MAP2: variants seen among roughly 807,000 people sequenced by gnomAD.
The protein encoded by MAP2 is microtubule-associated protein 2.
In MAP2, 14 loss-of-function variants were observed where a neutral mutation model predicts 137.6. The observed-to-expected ratio is 0.10, with a 90% CI of 0.07 to 0.16. The LOEUF (loss-of-function observed/expected upper bound fraction) is 0.16, where lower values mean the gene tolerates loss of function less well. Among genes scored for constraint, MAP2 ranks in the 10% least tolerant of loss-of-function variants. MAP2 has a pLI of 1.00. For missense variants in MAP2, 2,088 were observed against 2,191.5 expected, an observed-to-expected ratio of 0.95 and a Z score of 0.94; for synonymous variants, 786 against 782.3, an observed-to-expected ratio of 1.00 and a Z score of -0.08.
At chr2:209,527,274 TA>T (rs759609199) in intron 2 of MAP2, among the ~76,000 whole-genome samples, 10 of 152,194 alleles carry the variant, frequency 6.6e-5, no homozygotes, top group Admixed American at 3.3e-4. Context: ...ATATCTGATA[TA>T]TTTTTTTGTA....
At chr2:209,444,586 G>A (rs1358220905) in intron 1 of MAP2, among the ~76,000 whole-genome samples, 1 of 151,372 alleles carries the variant, frequency 6.6e-6, no homozygotes, top group African/African-American at 2.4e-5. Flanking sequence ...TTGCAGTTTA[G>A]TAAAATTAAG....
At chr2:209,677,432 A>G (rs570042018) in intron 5 of MAP2, among the ~76,000 whole-genome samples, 3 of 151,070 alleles carry the variant, frequency 2.0e-5, no homozygotes, top group Admixed American at 1.3e-4. Flanking sequence ...ACAGACAGAC[A>G]GACAGACAGA....
intron 1 of MAP2, among the ~76,000 whole-genome samples, chr2:209,466,163 C>G (rs138907065): frequency 6.6e-6 from 1 of 152,144 alleles, no homozygotes; most frequent in Non-Finnish European, 1.5e-5. Flanking sequence ...CAGTTTCTTA[C>G]AGAGTAAAAT....
At position 209,510,330 on chromosome 2, in the gene MAP2, A is replaced by G. The variant is rs144064592; in HGVS notation, c.-172+2689A>G. Among the ~76,000 whole-genome samples, 423 of 152,114 alleles carry G rather than the reference A, an allele frequency of 2.8e-3. 2 individuals are homozygous for G. Among genetic ancestry groups the G allele is most frequent in the South Asian group, 0.016 (78 of 4,826 alleles). On this transcript the variant is annotated intron_variant, in intron 2 of 15. Transcript: ENST00000682079. ...ATATACTATCCTATGGATATTTCAT[A>G]GTTTATTTCACCATTTACTCATTGT...
intron 2 of MAP2, among the ~76,000 whole-genome samples, chr2:209,548,236 T>C (rs2068471545): frequency 6.6e-6 from 1 of 152,162 alleles, no homozygotes. Flanking sequence ...TCTAAGGCAG[T>C]CCTACAAGGA....
Position 209,693,336 on chromosome 2 carries a change from C to T in MAP2, c.1166C>T (p.Thr389Ile). 3.1e-6 allele frequency: 5 copies of T among 1,613,232 alleles called. No individual in the cohort carries two copies. Among genetic ancestry groups the T allele is most frequent in the Middle Eastern group, 1.7e-4 (1 of 6,054 alleles). The change falls in exon 8 of 16, where the codon ACC becomes ATC. Residue 389 changes from threonine (T) to isoleucine (I), a missense_variant. Transcript: ENST00000682079. Reference protein sequence around the residue: ...MAEAPPSEAMTLPKDAHIPVV... With the variant: ...MAEAPPSEAMILPKDAHIPVV... ...GAAGCACCACCCTCAGAGGCAATGA[C>T]CTTACCCAAAGATGCTCACATTCCA...
At chr2:209,712,868 T>C (rs2065984031) in intron 13 of MAP2, among the ~76,000 whole-genome samples, 1 of 152,168 alleles carries the variant, frequency 6.6e-6, no homozygotes, top group Admixed American at 6.5e-5. Flanking sequence ...CATCTATACA[T>C]GCATACCGTT....
chr2:209,698,325 A>G (rs1301232089), intron 10 of MAP2, among the ~76,000 whole-genome samples: 5 of 152,220 alleles, frequency 3.3e-5, no homozygotes, highest in African/African-American at 1.2e-4. Context: ...TAATTATACT[A>G]GGATAATCTT....
At chr2:209,717,839 GT>G (rs1411077039) in intron 13 of MAP2, among the ~76,000 whole-genome samples, 1 of 152,006 alleles carries the variant, frequency 6.6e-6, no homozygotes, top group Non-Finnish European at 1.5e-5. Context: ...TTTTTGTTTT[GT>G]TTCTTGTCCT....
chr2:209,451,758 AAAT>A (rs1700373802), intron 1 of MAP2, among the ~76,000 whole-genome samples: 1 of 152,200 alleles, frequency 6.6e-6, no homozygotes, highest in Admixed American at 6.5e-5. Context: ...AGGAGGCTAA[AAAT>A]AGCTCTGTCT....
At chr2:209,494,530 A>G (rs765027747) in intron 1 of MAP2, among the ~76,000 whole-genome samples, 9 of 152,040 alleles carry the variant, frequency 5.9e-5, no homozygotes, top group African/African-American at 1.9e-4. Flanking sequence ...CAGCGCCATG[A>G]CAGTTTACAA....
At chr2:209,659,006 T>C (rs568759015) in intron 5 of MAP2, among the ~76,000 whole-genome samples, 1 of 152,326 alleles carries the variant, frequency 6.6e-6, no homozygotes, top group South Asian at 2.1e-4. Context: ...CTGTCATTAG[T>C]GTCTTCTTTT....
At chr2:209,634,804 C>T (rs2093414612) in intron 4 of MAP2, among the ~76,000 whole-genome samples, 1 of 152,030 alleles carries the variant, frequency 6.6e-6, no homozygotes, top group Admixed American at 6.6e-5. Flanking sequence ...TGGATTGTAA[C>T]TTCAATATCA....
chr2:209,583,193 C>CTATCTGT (rs1473156704), intron 3 of MAP2, among the ~76,000 whole-genome samples: 3 of 123,842 alleles, frequency 2.4e-5, no homozygotes, highest in Admixed American at 1.5e-4. Flanking sequence ...ATCTGTCTAT[C>CTATCTGT]CTATCTATCT....
chr2:209,613,135 C>T (rs2087579181), intron 3 of MAP2, among the ~76,000 whole-genome samples: 3 of 152,146 alleles, frequency 2.0e-5, no homozygotes, highest in Admixed American at 6.6e-5. Flanking sequence ...AGTAGACTTG[C>T]TGTGCATAGG....
At chr2:209,505,646 G>GGTTTTTT (rs1271673519) in intron 1 of MAP2, among the ~76,000 whole-genome samples, 1 of 148,980 alleles carries the variant, frequency 6.7e-6, no homozygotes, top group Non-Finnish European at 1.5e-5. Context: ...TACTGCTGTG[G>GGTTTTTT]GTTTTTTGTT....
chr2:209,700,259 G>A lies in MAP2; in HGVS notation c.4523-18G>A. On this transcript the variant is annotated intron_variant, in intron 10 of 15. Transcript: ENST00000682079. ...TTAGCAACTAAGTTTGGGGTTGTTT[G>A]TCTTTTATTTTCAACAGCAGCAGGT... 6.2e-7 allele frequency: 1 copy of A among 1,610,900 alleles called. No homozygotes were observed. Among genetic ancestry groups the A allele is most frequent in the Non-Finnish European group, 8.5e-7 (1 of 1,177,720 alleles).
intron 1 of MAP2, among the ~76,000 whole-genome samples, chr2:209,443,593 G>T (rs1698350126): frequency 6.6e-6 from 1 of 151,420 alleles, no homozygotes; most frequent in Admixed American, 6.6e-5. Flanking sequence ...AAGAACACTT[G>T]TTCCATTATT....
rs184529696 is a variant in MAP2, at chr2:209,694,515, C to T, written c.2345C>T (p.Ala782Val). Residue 782 changes from alanine (A) to valine (V), a missense_variant, in exon 8 of 16, where the codon GCG becomes GTG. Coordinates refer to ENST00000682079, the MANE Select transcript of MAP2 (RefSeq NM_001375505.1). ...GCTACTGGAGAAGAAAGTACTCAAG[C>T]GGAGATATCATGTGAGTCTCCTTTC... ...VKATGEESTQAEISCESPFLA... is the reference protein window; with the variant it reads ...VKATGEESTQVEISCESPFLA... 4.8e-4 allele frequency: 768 copies of T among 1,613,964 alleles called. 6 individuals carry two copies. In the East Asian group the frequency reaches 0.013, roughly 27 times the overall value.
Sources: allele counts gnomAD v4.1 joint callset (sites outside exome capture counted in the v4.1 genomes callset), GRCh38; gene constraint gnomAD v4.1.1; transcripts MANE v1.5; gene names NCBI Gene and HGNC (gene_info 2026-07-23, HGNC 2026-07-21).